EIF2AK3: variants seen among roughly 807,000 people sequenced by gnomAD.
EIF2AK3 encodes the protein eukaryotic translation initiation factor 2-alpha kinase 3.
A neutral mutation model predicts 113.5 loss-of-function variants in EIF2AK3; 50 were observed. The ratio of observed to expected loss-of-function variants is 0.44; its 90% CI spans 0.35 to 0.56. The LOEUF is 0.56. Ranked by LOEUF, EIF2AK3 falls within the 20% of genes least tolerant of loss-of-function variation. The pLI is 0.00. For missense variants in EIF2AK3, 1,185 were observed against 1,378.0 expected, an observed-to-expected ratio of 0.86 and a Z score of 2.22; for synonymous variants, 448 against 495.4, an observed-to-expected ratio of 0.90 and a Z score of 1.27.
rs375265921 is a variant in EIF2AK3, at chr2:88,574,927, T to C, written c.2556A>G (p.Thr852=). Residue 852 remains threonine (T), a synonymous_variant, in exon 13 of 17, where the codon ACA becomes ACG. Transcript: ENST00000303236. Reference sequence around the variant, plus strand: ...TTGGTCTTGGAGGAGAAATAGACAATGTAGCTTCAGAAGAAGATTTGCTAC... The same window carrying C: ...TTGGTCTTGGAGGAGAAATAGACAACGTAGCTTCAGAAGAAGATTTGCTAC... ...PTSSKSSSEA[T]LSISPPRPTT... The C allele has an allele frequency of 4.2e-5, 67 of 1,614,088 alleles. No individual in the cohort carries two copies. Among genetic ancestry groups the C allele is most frequent in the Non-Finnish European group, 5.6e-5 (66 of 1,180,038 alleles).
intron 1 of EIF2AK3, among the ~76,000 whole-genome samples, chr2:88,623,553 A>C (rs1224168225): frequency 6.6e-6 from 1 of 152,170 alleles, no homozygotes; most frequent in Non-Finnish European, 1.5e-5. Context: ...CCTCCTTTTT[A>C]AAAGTTTTGC....
rs1674287962 is a variant in EIF2AK3, at chr2:88,570,903, C to T, written c.2956G>A (p.Gly986Arg). Residue 986 changes from glycine (G) to arginine (R), a missense_variant, in exon 14 of 17, where the codon GGG (glycine) becomes AGG (arginine). Coordinates refer to ENST00000303236, the MANE Select transcript of EIF2AK3 (RefSeq NM_004836.7). ...TCTGGGCTCATATACAGTTTGGTCCCTACTTGTCCTGTGTGTCTGGCATAA... is the reference window on the plus strand; with the variant it reads ...TCTGGGCTCATATACAGTTTGGTCCTTACTTGTCCTGTGTGTCTGGCATAA... ...PAYARHTGQVGTKLYMSPEQI... is the reference protein window; with the variant it reads ...PAYARHTGQVRTKLYMSPEQI... The T allele has an allele frequency of 6.2e-7, 1 of 1,614,040 alleles. No individual in the cohort carries two copies. The highest frequency in any genetic ancestry group is 1.3e-5 in the African/African-American group (1 of 74,906).
chr2:88,604,802 CA>C (rs1449413094), intron 2 of EIF2AK3, among the ~76,000 whole-genome samples: 1 of 152,106 alleles, frequency 6.6e-6, no homozygotes, highest in Admixed American at 6.5e-5. Flanking sequence ...ATGCTGTACG[CA>C]AGATGTCTTT....
At position 88,576,678 on chromosome 2, in the gene EIF2AK3, G is replaced by T. The variant is rs200307027; in HGVS notation, c.1912C>A (p.Arg638=). ...AGCTTGGCTAAGGCTTTAACTTCTCGCATTACCTTTTCCCGAGCCAATTCC... is the reference window on the plus strand; with the variant it reads ...AGCTTGGCTAAGGCTTTAACTTCTCTCATTACCTTTTCCCGAGCCAATTCC... ...NRELAREKVM[R]EVKALAKLEH... The change falls in exon 12 of 17, where the codon CGA becomes AGA. Residue 638 remains arginine (R), a synonymous_variant. Transcript: ENST00000303236. 3.3e-5 allele frequency: 53 copies of T among 1,613,850 alleles called. No individual in the cohort carries two copies. Among genetic ancestry groups the T allele is most frequent in the Non-Finnish European group, 4.5e-5 (53 of 1,180,004 alleles).
intron 2 of EIF2AK3, among the ~76,000 whole-genome samples, chr2:88,606,099 A>C (rs1273919152): frequency 1.3e-5 from 2 of 152,184 alleles, no homozygotes; most frequent in African/African-American, 4.8e-5. Flanking sequence ...TATCAAGTTG[A>C]TAACAATTGT....
chr2:88,565,000 AAAT>A (rs943396396), intron 14 of EIF2AK3, among the ~76,000 whole-genome samples: 1 of 152,088 alleles, frequency 6.6e-6, no homozygotes, highest in South Asian at 2.1e-4. Flanking sequence ...CCAGCCTCTT[AAAT>A]AATAATAAAT....
At chr2:88,593,715 A>G (rs1674940389) in intron 3 of EIF2AK3, among the ~76,000 whole-genome samples, 1 of 152,228 alleles carries the variant, frequency 6.6e-6, no homozygotes, top group African/African-American at 2.4e-5. Context: ...GCTTTTCTAC[A>G]ATATCATTAA....
intron 14 of EIF2AK3, among the ~76,000 whole-genome samples, chr2:88,569,568 T>C (rs1674235008): frequency 6.6e-6 from 1 of 152,208 alleles, no homozygotes; most frequent in Non-Finnish European, 1.5e-5. Flanking sequence ...CCAAAGTGAC[T>C]TTTTATATTA....
chr2:88,584,649 G>A (rs998385949), intron 9 of EIF2AK3, among the ~76,000 whole-genome samples: 1 of 151,914 alleles, frequency 6.6e-6, no homozygotes, highest in Admixed American at 6.6e-5. Context: ...ACATAGGCAG[G>A]AAATCTAACT....
intron 2 of EIF2AK3, among the ~76,000 whole-genome samples, chr2:88,605,386 G>A (rs1675246495): frequency 6.6e-6 from 1 of 152,114 alleles, no homozygotes; most frequent in South Asian, 2.1e-4. Flanking sequence ...TTAAAGGCGG[G>A]AGCAGACAGA....
Position 88,627,244 on chromosome 2 carries a change from C to A in EIF2AK3, c.31G>T (p.Val11Leu). ...AGCAGCAGCAGCAGCAGCGCCCGTA[C>A]CAGCAGCCCCGGGCTGATGGCGCGC... is the stretch of plus-strand genomic sequence containing the variant. MERAISPGLL[V>L]RALLLLLLLL... The change falls in exon 1 of 17, where the codon GTA becomes TTA. Residue 11 changes from valine (V) to leucine (L), a missense_variant. By Grantham distance (32) the Val-to-Leu change is conservative. Coordinates refer to ENST00000303236, the MANE Select transcript of EIF2AK3 (RefSeq NM_004836.7). 1 of 1,482,782 alleles carries A rather than the reference C, an allele frequency of 6.7e-7. No homozygotes were observed. Among genetic ancestry groups the A allele is most frequent in the Non-Finnish European group, 8.9e-7 (1 of 1,123,046 alleles). 91.9% of individuals were successfully genotyped at this position (1,482,782 alleles called of 1,614,324 possible). A position where few individuals can be genotyped will look rare whatever the true frequency, so the allele number is the denominator to read the frequency against.
chr2:88,627,446 G>A lies in EIF2AK3; in HGVS notation c.-172C>T, dbSNP rs71414432. 0.026 allele frequency: 20,114 copies of A among 774,002 alleles called. 330 individuals carry two copies. Among genetic ancestry groups the A allele is most frequent in the Admixed American group, 0.042 (968 of 22,908 alleles). 47.9% of individuals were successfully genotyped at this position (774,002 alleles called of 1,614,324 possible). A position where few individuals can be genotyped will look rare whatever the true frequency, so the allele number is the denominator to read the frequency against. The stretch of plus-strand genomic sequence containing the variant: ...ACGTCTCAGCCCGGCCTCTGCCGCT[G>A]CCACCTGAGTGACAGCCTATCTCGG... On this transcript the variant is annotated 5_prime_UTR_variant, in exon 1 of 17. Coordinates refer to ENST00000303236, the MANE Select transcript of EIF2AK3 (RefSeq NM_004836.7).
In EIF2AK3 at chr2:88,585,830, A is replaced by G. The variant is rs751351610; in HGVS notation, c.1650+11T>C. 4 of 1,610,958 alleles carry G rather than the reference A, an allele frequency of 2.5e-6. No homozygotes were observed. In the African/African-American group the frequency reaches 5.3e-5, roughly 22 times the overall value. On this transcript the variant is annotated intron_variant, in intron 9 of 16. Transcript: ENST00000303236. The stretch of plus-strand genomic sequence containing the variant: ...AGTGGAAACCAGACAGTAAGCAACC[A>G]TGATTCTTACCCTGTGAGGATGAGG...
At chr2:88,593,763 G>C (rs1573408052) in intron 3 of EIF2AK3, 1 of 363,580 alleles carries the variant, frequency 2.8e-6, no homozygotes, top group East Asian at 1.4e-4. Flanking sequence ...ATCAACCTTA[G>C]AGTTTCTGTA....
chr2:88,590,645 A>C (rs1558654963), intron 5 of EIF2AK3, 40 bp from the exon 6 acceptor site: 2 of 1,604,388 alleles, frequency 1.2e-6, no homozygotes, highest in Admixed American at 1.7e-5. Flanking sequence ...TAATTCAAGC[A>C]GTAGTTATAT....
Position 88,585,735 on chromosome 2 carries a change from G to A in EIF2AK3, c.1650+106C>T, listed in dbSNP as rs1175491186. ...AAGATCACTGAGAACTTTGGCAAGA[G>A]TAGCTTTGGTGGAGCAGTAGGGATG... On this transcript the variant is annotated intron_variant, in intron 9 of 16. Coordinates refer to ENST00000303236, the MANE Select transcript of EIF2AK3 (RefSeq NM_004836.7). The A allele has an allele frequency of 6.5e-6, 7 of 1,080,586 alleles. No individual in the cohort carries two copies. The East Asian group carries it at 1.7e-4, about 27-fold the overall frequency. The allele number at this position is 1,080,586 out of a possible 1,614,324, so 66.9% of individuals were successfully genotyped here.
intron 1 of EIF2AK3, among the ~76,000 whole-genome samples, chr2:88,617,189 G>T (rs1031216413): frequency 2.6e-5 from 4 of 152,190 alleles, no homozygotes; most frequent in African/African-American, 9.7e-5. Flanking sequence ...GGATAGCAAT[G>T]AGATACAGCA....
At chr2:88,626,520 G>A (rs1377492371) in intron 1 of EIF2AK3, among the ~76,000 whole-genome samples, 4 of 152,214 alleles carry the variant, frequency 2.6e-5, no homozygotes, top group Non-Finnish European at 4.4e-5. Context: ...TTGTCCGGGG[G>A]CACTACAGAG....
intron 2 of EIF2AK3, among the ~76,000 whole-genome samples, chr2:88,608,374 C>T (rs1361816578): frequency 6.6e-6 from 1 of 152,104 alleles, no homozygotes; most frequent in Non-Finnish European, 1.5e-5. Flanking sequence ...ACTTTCATAC[C>T]ATTCTTGATG....
Sources: gnomAD v4.1 joint callset for allele counts (sites outside exome capture counted in the v4.1 genomes callset) on GRCh38, gnomAD v4.1.1 for gene constraint, MANE v1.5 for transcripts, NCBI Gene and HGNC (gene_info 2026-07-23, HGNC 2026-07-21) for gene names.